The following TOP2B variants were observed in gnomAD, a reference collection of about 807,000 sequenced individuals.
TOP2B encodes the protein DNA topoisomerase II beta, also known as DNA topoisomerase 2-beta.
A neutral mutation model predicts 193.5 loss-of-function variants in TOP2B; 51 were observed. The ratio of observed to expected loss-of-function variants is 0.26; its 90% CI spans 0.21 to 0.33. TOP2B has a LOEUF of 0.33. Among genes scored for constraint, TOP2B ranks in the 10% least tolerant of loss-of-function variants. The pLI is 1.00. For missense variants in TOP2B, 1,378 were observed against 1,909.3 expected (o/e 0.72, Z 5.19); for synonymous variants, 634 against 635.7 (o/e 1.00, Z 0.04).
chr3:25,631,562 C>T (rs951070179), intron 10 of TOP2B, among the ~76,000 whole-genome samples: 3 of 151,942 alleles, frequency 2.0e-5, no homozygotes, highest in African/African-American at 4.8e-5. Flanking sequence ...TTATCATCCT[C>T]GGTGATTTGA....
chr3:25,647,307 ATAGT>A (rs1433656475), intron 1 of TOP2B, among the ~76,000 whole-genome samples: 1 of 152,206 alleles, frequency 6.6e-6, no homozygotes, highest in Non-Finnish European at 1.5e-5. Context: ...AAGCCTCAAA[ATAGT>A]TAGAACAAAG....
chr3:25,624,396 C>T lies in TOP2B; in HGVS notation c.2396G>A (p.Ser799Asn). The change falls in exon 20 of 36, where the codon AGT becomes AAT. Residue 799 changes from serine (S) to asparagine (N), a missense_variant. Ser to Asn is a conservative substitution (Grantham distance 46, BLOSUM62 1). Coordinates refer to ENST00000264331, the MANE Select transcript of TOP2B (RefSeq NM_001330700.2). ...AGGCTGAAGCAAGTTAATGTTGTTA[C>T]TTCCCACAAAGTTCTGAGCCAAATT... ...IVNLAQNFVG[S>N]NNINLLQPIG... The T allele has an allele frequency of 6.2e-7, 1 of 1,613,908 alleles. No individual in the cohort carries two copies.
intron 1 of TOP2B, among the ~76,000 whole-genome samples, chr3:25,654,899 C>T (rs917860130): frequency 1.1e-4 from 17 of 152,082 alleles, no homozygotes; most frequent in Non-Finnish European, 2.5e-4. Flanking sequence ...ATGCCACATA[C>T]AAAAATTAAC....
intron 1 of TOP2B, among the ~76,000 whole-genome samples, chr3:25,648,861 C>G (rs1260554247): frequency 6.6e-6 from 1 of 151,428 alleles, no homozygotes; most frequent in Non-Finnish European, 1.5e-5. Flanking sequence ...GAGCCTGTCT[C>G]AAAAAAATAA....
intron 7 of TOP2B, 65 bp downstream of exon 7, chr3:25,635,869 AGG>A: frequency 7.3e-7 from 1 of 1,366,858 alleles, no homozygotes; most frequent in East Asian, 2.4e-5. Flanking sequence ...GCTTTAAAAA[AGG>A]AAGACCCAAC....
chr3:25,650,302 G>A (rs1327693309), intron 1 of TOP2B, among the ~76,000 whole-genome samples: 1 of 152,166 alleles, frequency 6.6e-6, no homozygotes, highest in African/African-American at 2.4e-5. Context: ...CCTTCATAAA[G>A]TCAACAAGCA....
chr3:25,638,100 A>T, intron 5 of TOP2B, 65 bp downstream of exon 5: 4 of 1,391,238 alleles, frequency 2.9e-6, no homozygotes, highest in African/African-American at 1.5e-5. Flanking sequence ...CAATTTCCTT[A>T]GTAAGTTATA....
At chr3:25,632,875 T>G in intron 8 of TOP2B, 81 bp from the exon 9 acceptor site, 1 of 1,198,392 alleles carries the variant, frequency 8.3e-7, no homozygotes, top group Non-Finnish European at 1.2e-6. Context: ...ATAAACCCTA[T>G]TTTCTAAAAG....
intron 23 of TOP2B, among the ~76,000 whole-genome samples, chr3:25,619,446 T>TA (rs1702599901): frequency 6.6e-6 from 1 of 152,084 alleles, no homozygotes; most frequent in Non-Finnish European, 1.5e-5. Flanking sequence ...ATCACACACT[T>TA]AAAGTTTCTA....
In TOP2B at chr3:25,620,629, A is replaced by G. The variant is rs1485510403; in HGVS notation, c.2862+53T>C. ...ACGGTGGAATCATCCTTACCAGAAAAAATTGCTTAATACACTGCCCTTCCC... is the reference window on the plus strand; with the variant it reads ...ACGGTGGAATCATCCTTACCAGAAAGAATTGCTTAATACACTGCCCTTCCC... On this transcript the variant is annotated intron_variant, in intron 22 of 35. Transcript: ENST00000264331. 4 of 1,553,262 alleles carry G rather than the reference A, an allele frequency of 2.6e-6. No homozygotes were observed. The African/African-American group carries it at 4.1e-5, about 16-fold the overall frequency.
At position 25,598,172 on chromosome 3, in the gene TOP2B, G is replaced by A. The variant is rs1701967675; in HGVS notation, c.*135C>T. The A allele has an allele frequency of 2.3e-6, 2 of 879,070 alleles. No individual in the cohort carries two copies. Among genetic ancestry groups the A allele is most frequent in the Admixed American group, 5.7e-5 (2 of 34,838 alleles). The allele number at this position is 879,070 out of a possible 1,614,324, so 54.5% of individuals were successfully genotyped here. ...TATGTGTAAGAACAAAATGTTAAAA[G>A]GCCTACCACAATAATAAAAAACCGT... On this transcript the variant is annotated 3_prime_UTR_variant, in exon 36 of 36. Coordinates refer to ENST00000264331, the MANE Select transcript of TOP2B (RefSeq NM_001330700.2).
chr3:25,619,734 A>AT (rs1702607406), intron 23 of TOP2B, 128 bp downstream of exon 23: 5 of 629,502 alleles, frequency 7.9e-6, no homozygotes, highest in Non-Finnish European at 2.7e-6. Context: ...AATCTGCAGG[A>AT]TGGGAAAAAA....
Position 25,624,280 on chromosome 3 carries a change from T to C in TOP2B, c.2495+17A>G, listed in dbSNP as rs750730467. On this transcript the variant is annotated intron_variant, in intron 20 of 35. Coordinates refer to ENST00000264331, the MANE Select transcript of TOP2B (RefSeq NM_001330700.2). ...AATCAAATCAAACTTTATACCATTA[T>C]ATCAGCAAATATTTACCTTAACATT... The C allele has an allele frequency of 9.9e-6, 16 of 1,613,250 alleles. No homozygotes were observed. The highest frequency in any genetic ancestry group is 6.8e-6 in the Non-Finnish European group (8 of 1,179,498).
chr3:25,616,931 T>A (rs1012026770), intron 25 of TOP2B, among the ~76,000 whole-genome samples: 1 of 152,066 alleles, frequency 6.6e-6, no homozygotes, highest in Non-Finnish European at 1.5e-5. Flanking sequence ...AATTCCATTA[T>A]GCTTTACAAA....
intron 32 of TOP2B, among the ~76,000 whole-genome samples, chr3:25,605,809 A>T (rs1702223113): frequency 6.6e-6 from 1 of 152,100 alleles, no homozygotes. Context: ...AAACACAGAT[A>T]AGCATTTGCC....
At position 25,635,974 on chromosome 3, in the gene TOP2B, T is replaced by C; in HGVS notation, c.814A>G (p.Arg272Gly). ...RRAYDLAGSCRGVKVMFNGKK... is the reference protein window; with the variant it reads ...RRAYDLAGSCGGVKVMFNGKK... ...CCATTAAACATGACCTTGACCCCTC[T>C]ACACGAACCAGCCAAATCATATGCC... The change falls in exon 7 of 36, where the codon AGA (arginine) becomes GGA (glycine). Residue 272 changes from arginine to glycine, a missense_variant. By Grantham distance (125) the Arg-to-Gly change is moderately radical (BLOSUM62 -2). Transcript: ENST00000264331. 5 of 1,613,388 alleles carry C rather than the reference T, an allele frequency of 3.1e-6. No individual in the cohort carries two copies. Among genetic ancestry groups the C allele is most frequent in the Non-Finnish European group, 4.2e-6 (5 of 1,179,448 alleles).
chr3:25,602,417 A>AAAAAAAAAG (rs1702123642), intron 33 of TOP2B, among the ~76,000 whole-genome samples: 1 of 69,828 alleles, frequency 1.4e-5, no homozygotes, highest in African/African-American at 7.8e-5. Flanking sequence ...AAAGAAAAAG[A>AAAAAAAAAG]AAAAAAAAAA....
chr3:25,637,435 T>TTGAA, intron 5 of TOP2B, 123 bp from the exon 6 acceptor site: 1 of 630,914 alleles, frequency 1.6e-6, no homozygotes, highest in African/African-American at 1.8e-5. Context: ...CAATCACCAA[T>TTGAA]TGAAGATTCC....
intron 7 of TOP2B, among the ~76,000 whole-genome samples, chr3:25,634,291 G>C (rs1703041439): frequency 6.6e-6 from 1 of 152,074 alleles, no homozygotes; most frequent in South Asian, 2.1e-4. Context: ...TGATAAGGTA[G>C]ACTTCCAGTT....
Sources: allele counts gnomAD v4.1 joint callset (sites outside exome capture counted in the v4.1 genomes callset), GRCh38; gene constraint gnomAD v4.1.1; transcripts MANE v1.5; gene names NCBI Gene and HGNC (gene_info 2026-07-23, HGNC 2026-07-21).